Variants in NAALADL2 observed in about 807,000 individuals in gnomAD.
NAALADL2 encodes N-acetylated alpha-linked acidic dipeptidase like 2.
Under a neutral mutation model 87.2 loss-of-function variants are expected in NAALADL2, and 76 were observed. That is an observed-to-expected ratio of 0.87 (90% confidence interval 0.72 to 1.05). NAALADL2 has a LOEUF of 1.05. Ranked by LOEUF, NAALADL2 falls within the 50% of genes least tolerant of loss-of-function variation. NAALADL2 has a pLI of 0.00. For synonymous variants in NAALADL2, 354 were observed against 331.0 expected (o/e 1.07, Z -0.75); for missense variants, 1,089 against 945.8 (o/e 1.15, Z -1.99).
chr3:175,382,600 A>G (rs1403868250), intron 5 of NAALADL2, among the ~76,000 whole-genome samples: 1 of 46,264 alleles, frequency 2.2e-5, no homozygotes, highest in Non-Finnish European at 5.0e-5. Flanking sequence ...GTCGGATCAT[A>G]TGGTAACAAT....
intron 11 of NAALADL2, among the ~76,000 whole-genome samples, chr3:175,701,449 C>T (rs145627689): frequency 8.5e-4 from 130 of 152,188 alleles, no homozygotes; most frequent in African/African-American, 2.8e-3. Flanking sequence ...CAGTGTCTCA[C>T]GATAGACCCA....
chr3:174,841,093 A>C (rs1723979892), intron 3 of NAALADL2, among the ~76,000 whole-genome samples: 1 of 152,156 alleles, frequency 6.6e-6, no homozygotes, highest in Non-Finnish European at 1.5e-5. Context: ...AAAAGAAAGA[A>C]AAATAAAAAG....
intron 1 of NAALADL2, among the ~76,000 whole-genome samples, chr3:175,041,733 A>G (rs1754094553): frequency 6.6e-6 from 1 of 152,140 alleles, no homozygotes; most frequent in Admixed American, 6.6e-5. Flanking sequence ...TTATGGATGC[A>G]CTGTGTATAT....
At chr3:175,785,001 T>G (rs1236050464) in intron 13 of NAALADL2, among the ~76,000 whole-genome samples, 1 of 150,710 alleles carries the variant, frequency 6.6e-6, no homozygotes, top group Non-Finnish European at 1.5e-5. Flanking sequence ...AGTTTCCATG[T>G]AGTTGAGCAG....
At chr3:174,899,886 A>C (rs1175356667) in intron 1 of NAALADL2, among the ~76,000 whole-genome samples, 1 of 152,108 alleles carries the variant, frequency 6.6e-6, no homozygotes, top group East Asian at 1.9e-4. Context: ...AGTAAAAAAA[A>C]AAGTTCTATT....
At chr3:174,841,715 T>G (rs1724043704) in intron 3 of NAALADL2, among the ~76,000 whole-genome samples, 1 of 152,198 alleles carries the variant, frequency 6.6e-6, no homozygotes, top group African/African-American at 2.4e-5. Context: ...ACATTTTCAT[T>G]GCATTTTTAA....
At chr3:175,206,637 A>G (rs1193210235) in intron 2 of NAALADL2, among the ~76,000 whole-genome samples, 1 of 152,034 alleles carries the variant, frequency 6.6e-6, no homozygotes, top group African/African-American at 2.4e-5. Flanking sequence ...TTACACCAAA[A>G]TCTCACAAAT....
chr3:175,460,449 G>T (rs185585978), intron 6 of NAALADL2, among the ~76,000 whole-genome samples: 1 of 152,254 alleles, frequency 6.6e-6, no homozygotes, highest in East Asian at 1.9e-4. Flanking sequence ...CCTTCTGTCA[G>T]TTGGAAGGAT....
At chr3:175,628,541 A>G (rs1213359344) in intron 11 of NAALADL2, among the ~76,000 whole-genome samples, 1 of 149,938 alleles carries the variant, frequency 6.7e-6, no homozygotes, top group Admixed American at 6.7e-5. Flanking sequence ...TTAACCTGTC[A>G]TCACCTGCCT....
chr3:175,220,767 A>C (rs1343471444), intron 2 of NAALADL2, among the ~76,000 whole-genome samples: 1 of 152,108 alleles, frequency 6.6e-6, no homozygotes, highest in East Asian at 1.9e-4. Flanking sequence ...TAATTTATTT[A>C]AATTGAATCT....
At chr3:175,488,602 T>C (rs1727635950) in intron 9 of NAALADL2, among the ~76,000 whole-genome samples, 2 of 152,252 alleles carry the variant, frequency 1.3e-5, no homozygotes, top group South Asian at 4.1e-4. Flanking sequence ...TCACATGTTC[T>C]AATTTTACTT....
At chr3:175,450,980 G>T (rs1469986660) in intron 6 of NAALADL2, among the ~76,000 whole-genome samples, 1 of 152,010 alleles carries the variant, frequency 6.6e-6, no homozygotes, top group Non-Finnish European at 1.5e-5. Flanking sequence ...CATAGGAAGG[G>T]GTCAGATGAG....
chr3:175,252,312 C>T (rs1179403222), intron 3 of NAALADL2, among the ~76,000 whole-genome samples: 4 of 152,210 alleles, frequency 2.6e-5, no homozygotes, highest in East Asian at 3.9e-4. Context: ...CAATCTTTTT[C>T]ATTATGGTTA....
rs1385994063 is a variant in NAALADL2 at position 175,807,566 on chromosome 3, T to C, written c.*4363T>C. 6.6e-6 allele frequency: 1 copy of C among 151,876 alleles called. No individual in the cohort carries two copies. The highest frequency in any genetic ancestry group is 2.4e-5 in the African/African-American group (1 of 41,390). The allele number at this position is 151,876 out of a possible 1,614,324, so 9.4% of individuals were successfully genotyped here. ...AAATGTGCCTTAGCCACACATTTGC[T>C]TAATAGAAAGGAATTATTTTAAACT... On this transcript the variant is annotated 3_prime_UTR_variant, in exon 14 of 14. Coordinates refer to ENST00000454872, the MANE Select transcript of NAALADL2 (RefSeq NM_207015.3).
intron 3 of NAALADL2, among the ~76,000 whole-genome samples, chr3:174,808,555 G>A (rs1316327216): frequency 3.3e-5 from 5 of 152,104 alleles, no homozygotes; most frequent in East Asian, 3.9e-4. Flanking sequence ...TACAGCAACT[G>A]CTATTTTTAA....
Position 175,220,863 on chromosome 3 carries a change from C to T in NAALADL2, c.546-13068C>T, listed in dbSNP as rs1038332772. On this transcript the variant is annotated intron_variant, in intron 2 of 13. Coordinates refer to ENST00000454872, the MANE Select transcript of NAALADL2 (RefSeq NM_207015.3). ...TCTAAGCACTGCTTTAGCTGATTCC[C>T]GCAAGTACTGTTAGGTATGTTTCCA... Among the ~76,000 whole-genome samples, 8 of 152,108 alleles carry T rather than the reference C, an allele frequency of 5.3e-5. 1 individual carries two copies. The South Asian group carries it at 6.2e-4, about 12-fold the overall frequency.
At chr3:174,646,165 C>T (rs1446036638) in intron 2 of NAALADL2, among the ~76,000 whole-genome samples, 1 of 151,662 alleles carries the variant, frequency 6.6e-6, no homozygotes, top group African/African-American at 2.4e-5. Flanking sequence ...AAAGTGATTC[C>T]AAAAGAGATT....
At chr3:175,368,570 TGA>T (rs1491479158) in intron 5 of NAALADL2, among the ~76,000 whole-genome samples, 22 of 143,644 alleles carry the variant, frequency 1.5e-4, no homozygotes, top group East Asian at 6.3e-4. Flanking sequence ...CAGGTGTGTG[TGA>T]GTGTGTGTGT....
chr3:174,449,437 A>T (rs1715309856), intron 1 of NAALADL2, among the ~76,000 whole-genome samples: 1 of 152,236 alleles, frequency 6.6e-6, no homozygotes, highest in Admixed American at 6.5e-5. Context: ...TAACACCTAC[A>T]TTAAGATGAT....
Sources: gnomAD v4.1 joint callset for allele counts (sites outside exome capture counted in the v4.1 genomes callset) on GRCh38, gnomAD v4.1.1 for gene constraint, MANE v1.5 for transcripts, NCBI Gene and HGNC (gene_info 2026-07-23, HGNC 2026-07-21) for gene names.